FRMD4B: variants seen among roughly 807,000 people sequenced by gnomAD.
FRMD4B encodes FERM domain containing 4B, also known as FERM domain-containing protein 4B.
Under a neutral mutation model 141.5 loss-of-function variants are expected in FRMD4B, and 74 were observed. The ratio of observed to expected loss-of-function variants is 0.52; its 90% confidence interval spans 0.43 to 0.63. The LOEUF (loss-of-function observed/expected upper bound fraction) is 0.63, where lower values mean the gene tolerates loss of function less well. Among genes scored for constraint, FRMD4B ranks in the 30% least tolerant of loss-of-function variants. The pLI, the probability that FRMD4B is intolerant of heterozygous loss-of-function variation, is 0.00. For missense variants in FRMD4B, 1,366 were observed against 1,253.4 expected, an observed-to-expected ratio of 1.09 and a Z score of -1.36; for synonymous variants, 506 against 467.9, an observed-to-expected ratio of 1.08 and a Z score of -1.05.
intron 1 of FRMD4B, among the ~76,000 whole-genome samples, chr3:69,346,974 C>T (rs1042290312): frequency 6.6e-6 from 1 of 152,170 alleles, no homozygotes; most frequent in Non-Finnish European, 1.5e-5. Flanking sequence ...CAAATTCACT[C>T]ATAACAATAT....
Position 69,195,370 on chromosome 3 carries a change from G to A in FRMD4B, c.1235-6C>T. 1 of 1,605,944 alleles carries A rather than the reference G, an allele frequency of 6.2e-7. No homozygotes were observed. Among genetic ancestry groups the A allele is most frequent in the Non-Finnish European group, 8.5e-7 (1 of 1,177,384 alleles). ...AACTTCTGAGTCTTGAGAACCTAGG[G>A]GATGAGGGAAGGGCAGGGAAGGTTT... On this transcript the variant is annotated splice_polypyrimidine_tract_variant and splice_region_variant and intron_variant, in intron 14 of 22. Coordinates refer to ENST00000398540, the MANE Select transcript of FRMD4B (RefSeq NM_015123.3).
At chr3:69,535,320 C>T (rs1205473662) in intron 1 of FRMD4B, among the ~76,000 whole-genome samples, 1 of 152,210 alleles carries the variant, frequency 6.6e-6, no homozygotes, top group Non-Finnish European at 1.5e-5. Flanking sequence ...AACCTCACAA[C>T]CAGTTTCCTT....
intron 1 of FRMD4B, among the ~76,000 whole-genome samples, chr3:69,325,814 T>C (rs1702171659): frequency 6.6e-6 from 1 of 152,190 alleles, no homozygotes; most frequent in African/African-American, 2.4e-5. Flanking sequence ...GCTTGACATG[T>C]ATTACCAGTT....
intron 1 of FRMD4B, among the ~76,000 whole-genome samples, chr3:69,520,160 TATATATATGATGGA>T (rs1700831867): frequency 7.7e-6 from 1 of 130,436 alleles, no homozygotes; most frequent in Admixed American, 8.0e-5. Flanking sequence ...TGATGGAATA[TATATATATGATGGA>T]ATATATATAT....
intron 1 of FRMD4B, among the ~76,000 whole-genome samples, chr3:69,476,309 T>C (rs1225645639): frequency 6.6e-6 from 1 of 151,974 alleles, no homozygotes; most frequent in African/African-American, 2.4e-5. Context: ...AATGCCTAGG[T>C]TTTCTTCTAG....
chr3:69,315,635 T>A (rs1701780596), intron 1 of FRMD4B, among the ~76,000 whole-genome samples: 2 of 152,388 alleles, frequency 1.3e-5, no homozygotes, highest in Admixed American at 6.5e-5. Context: ...ATCTTTCCAA[T>A]GTCAGCACAT....
At chr3:69,225,480 C>T (rs1215060431) in intron 7 of FRMD4B, among the ~76,000 whole-genome samples, 1 of 142,042 alleles carries the variant, frequency 7.0e-6, no homozygotes, top group African/African-American at 2.6e-5. Flanking sequence ...TTGAGACCAT[C>T]CTGGCTAACA....
intron 5 of FRMD4B, among the ~76,000 whole-genome samples, chr3:69,277,110 C>A (rs1320991608): frequency 1.3e-5 from 2 of 152,138 alleles, no homozygotes; most frequent in African/African-American, 4.8e-5. Flanking sequence ...CATAGTCTTG[C>A]AATAACCCTA....
At chr3:69,245,349 G>T (rs1304729034) in intron 7 of FRMD4B, among the ~76,000 whole-genome samples, 2,755 of 151,006 alleles carry the variant, frequency 0.018, 91 homozygotes, top group African/African-American at 0.064. Context: ...GTGTGTGTGT[G>T]TGTGTTTTTA....
intron 1 of FRMD4B, among the ~76,000 whole-genome samples, chr3:69,500,658 C>G (rs1383817937): frequency 6.6e-6 from 1 of 152,082 alleles, no homozygotes; most frequent in Non-Finnish European, 1.5e-5. Context: ...TTACCTGAAC[C>G]TGGTAAGAAC....
chr3:69,336,498 T>G (rs1386870775), intron 1 of FRMD4B: 1 of 152,252 alleles, frequency 6.6e-6, no homozygotes, highest in Non-Finnish European at 1.5e-5. Context: ...AGGATAAGTC[T>G]GCTTACTGTG....
chr3:69,265,182 G>A (rs571422846), intron 5 of FRMD4B, among the ~76,000 whole-genome samples: 1 of 139,714 alleles, frequency 7.2e-6, no homozygotes, highest in East Asian at 2.2e-4. Context: ...TTGAACCCAG[G>A]AGGTGGAGCT....
intron 1 of FRMD4B, among the ~76,000 whole-genome samples, chr3:69,449,034 C>T (rs1047613349): frequency 2.6e-5 from 4 of 152,098 alleles, no homozygotes; most frequent in Admixed American, 1.3e-4. Flanking sequence ...TTATATGTAG[C>T]CTCGTAAAAC....
rs555236765 is a variant in FRMD4B at position 69,221,869 on chromosome 3, T to A, written c.720A>T (p.Gln240His). The A allele has an allele frequency of 9.1e-6, 14 of 1,544,934 alleles. No individual in the cohort carries two copies. In the African/African-American group the frequency reaches 9.5e-5, roughly 10 times the overall value. The change falls in exon 9 of 23, where the codon CAA becomes CAT. Residue 240 changes from glutamine to histidine, a missense_variant. Transcript: ENST00000398540. ...YLKIKGLTRG[Q>H]AVVQYMKIVE... Reference sequence around the variant, plus strand: ...GGAAAGATACTTACTGAACCACAGCTTGACCTCGAGTGAGACCTTTGATTT... The same window carrying A: ...GGAAAGATACTTACTGAACCACAGCATGACCTCGAGTGAGACCTTTGATTT...
At chr3:69,513,343 A>G (rs1279786538) in intron 1 of FRMD4B, among the ~76,000 whole-genome samples, 1 of 152,180 alleles carries the variant, frequency 6.6e-6, no homozygotes, top group Non-Finnish European at 1.5e-5. Context: ...ACCTATCAAG[A>G]CTGAATCATG....
chr3:69,293,467 C>T (rs1004325434), intron 4 of FRMD4B, among the ~76,000 whole-genome samples: 7 of 124,576 alleles, frequency 5.6e-5, no homozygotes, highest in Admixed American at 4.3e-4. Context: ...TGTAGTTTAG[C>T]AGCCAATGAG....
At chr3:69,216,444 T>A in intron 10 of FRMD4B, 95 bp from the exon 11 acceptor site, 1 of 668,332 alleles carries the variant, frequency 1.5e-6, no homozygotes, top group Non-Finnish European at 2.6e-6. Context: ...TTTTTTTTTT[T>A]TTTTTTGAGA....
At chr3:69,284,092 G>A (rs2093656566) in intron 5 of FRMD4B, among the ~76,000 whole-genome samples, 1 of 152,118 alleles carries the variant, frequency 6.6e-6, no homozygotes, top group South Asian at 2.1e-4. Context: ...CCCCAGTACT[G>A]TCAAGAGAGG....
intron 1 of FRMD4B, among the ~76,000 whole-genome samples, chr3:69,535,122 AC>A (rs2079979443): frequency 6.6e-6 from 1 of 152,246 alleles, no homozygotes; most frequent in African/African-American, 2.4e-5. Context: ...AAACTGAGGC[AC>A]AAAAAAAGGT....
Sources: gnomAD v4.1 joint callset for allele counts (sites outside exome capture counted in the v4.1 genomes callset) on GRCh38, gnomAD v4.1.1 for gene constraint, MANE v1.5 for transcripts, NCBI Gene and HGNC (gene_info 2026-07-23, HGNC 2026-07-21) for gene names.